Variants in PLEKHD1 observed in about 807,000 individuals in gnomAD.
The protein encoded by PLEKHD1 is pleckstrin homology and coiled-coil domain containing D1.
PLEKHD1 carries 51 observed loss-of-function variants against 69.2 expected under a neutral mutation model. The observed-to-expected ratio is 0.74, with a 90% CI of 0.59 to 0.93. The LOEUF is 0.93. Ranked by LOEUF, PLEKHD1 falls within the 40% of genes least tolerant of loss-of-function variation. The pLI is 0.00. For synonymous variants in PLEKHD1, 236 were observed against 244.7 expected, an observed-to-expected ratio of 0.96 and a Z score of 0.33; for missense variants, 584 against 641.0, an observed-to-expected ratio of 0.91 and a Z score of 0.96.
chr14:69,520,786 G>A (rs1293422892), intron 6 of PLEKHD1, among the ~76,000 whole-genome samples: 1 of 152,110 alleles, frequency 6.6e-6, no homozygotes, highest in Non-Finnish European at 1.5e-5. Flanking sequence ...ATGGTATCTT[G>A]TATATAGACA....
chr14:69,504,009 C>T (rs946374617), intron 6 of PLEKHD1, among the ~76,000 whole-genome samples: 1 of 152,068 alleles, frequency 6.6e-6, no homozygotes, highest in Non-Finnish European at 1.5e-5. Context: ...TTGTATTTGA[C>T]CTTCAATACT....
At chr14:69,487,224 C>CACAT (rs71305859) in intron 1 of PLEKHD1, among the ~76,000 whole-genome samples, 1 of 150,798 alleles carries the variant, frequency 6.6e-6, no homozygotes, top group South Asian at 2.1e-4. Flanking sequence ...CACACACACA[C>CACAT]GCTATTTAGT....
chr14:69,487,182 A>AAC (rs199671230), intron 1 of PLEKHD1, among the ~76,000 whole-genome samples: 31,293 of 140,178 alleles, frequency 0.22, 3,354 homozygotes, highest in Non-Finnish European at 0.25. Context: ...GGGAATACAC[A>AAC]ACACACACAC....
chr14:69,513,328 T>C (rs1432132679), intron 6 of PLEKHD1, among the ~76,000 whole-genome samples: 2 of 152,124 alleles, frequency 1.3e-5, no homozygotes, highest in Admixed American at 6.6e-5. Context: ...GCCCTCAGAA[T>C]CACAGCAGAT....
intron 1 of PLEKHD1, among the ~76,000 whole-genome samples, chr14:69,486,599 C>T (rs1246703333): frequency 6.6e-6 from 1 of 152,226 alleles, no homozygotes; most frequent in Non-Finnish European, 1.5e-5. Context: ...CATCTTTCTT[C>T]TGCCTCAGCA....
chr14:69,502,350 G>A (rs1455732533), intron 5 of PLEKHD1: 1 of 199,204 alleles, frequency 5.0e-6, no homozygotes, highest in Non-Finnish European at 1.0e-5. Context: ...CCCCTGACAG[G>A]TTGGTAAACA....
intron 1 of PLEKHD1, among the ~76,000 whole-genome samples, chr14:69,493,795 C>G: frequency 6.6e-6 from 1 of 152,222 alleles, no homozygotes; most frequent in East Asian, 1.9e-4. Context: ...GAGAGACAGC[C>G]AGCGTTGACA....
At chr14:69,513,623 A>T (rs1417463986) in intron 6 of PLEKHD1, among the ~76,000 whole-genome samples, 1 of 152,256 alleles carries the variant, frequency 6.6e-6, no homozygotes, top group Non-Finnish European at 1.5e-5. Context: ...GGACTCAAAT[A>T]TAAAAGTATG....
chr14:69,469,524 C>G, the PLEKHD1 span, among the ~76,000 whole-genome samples: 6 of 152,020 alleles, frequency 3.9e-5, no homozygotes, highest in African/African-American at 1.5e-4. Context: ...ATCCTCCTGC[C>G]TGAGACTTCT....
intron 11 of PLEKHD1, 29 bp from the exon 12 acceptor site, chr14:69,527,754 C>T (rs917925090): frequency 5.8e-6 from 9 of 1,550,738 alleles, no homozygotes; most frequent in African/African-American, 4.1e-5. Flanking sequence ...GCAGTCGGAA[C>T]CCCACCCTTC....
At chr14:69,517,052 C>T (rs1253070594) in intron 6 of PLEKHD1, among the ~76,000 whole-genome samples, 1 of 151,968 alleles carries the variant, frequency 6.6e-6, no homozygotes, top group Non-Finnish European at 1.5e-5. Flanking sequence ...CTGCATTAGT[C>T]CAGGCAAGAC....
At chr14:69,482,881 C>A (rs576992535), upstream of PLEKHD1, among the ~76,000 whole-genome samples, 9 of 144,238 alleles carry the variant, frequency 6.2e-5, no homozygotes, top group East Asian at 2.0e-4. Flanking sequence ...CATAATGAGA[C>A]CCCCATCTCT....
At chr14:69,514,347 T>G (rs1028102682) in intron 6 of PLEKHD1, among the ~76,000 whole-genome samples, 2 of 152,098 alleles carry the variant, frequency 1.3e-5, no homozygotes, top group Non-Finnish European at 2.9e-5. Flanking sequence ...TCCTCGGCCA[T>G]GTCCAGTCTC....
At chr14:69,493,636 C>T (rs1882824568) in intron 1 of PLEKHD1, among the ~76,000 whole-genome samples, 1 of 152,244 alleles carries the variant, frequency 6.6e-6, no homozygotes, top group South Asian at 2.1e-4. Flanking sequence ...GCACCTGCAG[C>T]TCCTCTGCCA....
chr14:69,469,790 C>T, the PLEKHD1 span, among the ~76,000 whole-genome samples: 1 of 151,990 alleles, frequency 6.6e-6, no homozygotes, highest in Non-Finnish European at 1.5e-5. Context: ...GGCATGATCT[C>T]GGCTCACTGC....
At chr14:69,485,741 C>A (rs575246207) in intron 1 of PLEKHD1, among the ~76,000 whole-genome samples, 21 of 152,096 alleles carry the variant, frequency 1.4e-4, no homozygotes, top group Admixed American at 2.6e-4. Flanking sequence ...GTGCTTCAGA[C>A]GGAGGAGCTG....
chr14:69,506,813 T>C (rs1883160311), intron 6 of PLEKHD1, among the ~76,000 whole-genome samples: 1 of 151,192 alleles, frequency 6.6e-6, no homozygotes, highest in Non-Finnish European at 1.5e-5. Context: ...AATATGTATC[T>C]ACCACTGTAG....
At chr14:69,496,004 G>T (rs1389843044) in intron 1 of PLEKHD1, among the ~76,000 whole-genome samples, 1 of 152,232 alleles carries the variant, frequency 6.6e-6, no homozygotes, top group Non-Finnish European at 1.5e-5. Flanking sequence ...AACACCTAGA[G>T]CAGTGCTTGG....
rs1260371238 is a variant in PLEKHD1, at chr14:69,529,442, T to G, written c.*1023T>G. 1 of 152,326 alleles carries G rather than the reference T, an allele frequency of 6.6e-6. No homozygotes were observed. The highest frequency in any genetic ancestry group is 1.5e-5 in the Non-Finnish European group (1 of 68,184). The allele number at this position is 152,326 out of a possible 1,614,324, so 9.4% of individuals were successfully genotyped here. ...GTGCATGCCTGTAGTCCCAGCTACT[T>G]GGGAGACTGAAATGAGGGGATTGAT... On this transcript the variant is annotated 3_prime_UTR_variant, in exon 13 of 13. Transcript: ENST00000322564.
Sources: gnomAD v4.1 joint callset for allele counts (sites outside exome capture counted in the v4.1 genomes callset) on GRCh38, gnomAD v4.1.1 for gene constraint, MANE v1.5 for transcripts, NCBI Gene and HGNC (gene_info 2026-07-23, HGNC 2026-07-21) for gene names.